The following LMAN1 variants were observed in gnomAD, a reference collection of about 807,000 sequenced individuals.
The protein encoded by LMAN1 is protein ERGIC-53.
In LMAN1, 32 loss-of-function variants were observed where a neutral mutation model predicts 67.8. The observed-to-expected ratio is 0.47, with a 90% CI of 0.36 to 0.63. The LOEUF is 0.63. Among genes scored for constraint, LMAN1 ranks in the 30% least tolerant of loss-of-function variants. The pLI, the probability that LMAN1 is intolerant of heterozygous loss-of-function variation, is 0.00. For missense variants in LMAN1, 632 were observed against 628.2 expected, an observed-to-expected ratio of 1.01 and a Z score of -0.06; for synonymous variants, 235 against 219.3, an observed-to-expected ratio of 1.07 and a Z score of -0.63.
chr18:59,357,072 A>T (rs1908676584), intron 1 of LMAN1, among the ~76,000 whole-genome samples: 2 of 152,218 alleles, frequency 1.3e-5, no homozygotes, highest in African/African-American at 4.8e-5. Flanking sequence ...ACGAAAAGAA[A>T]AAAATGATCA....
chr18:59,349,216 A>G lies in LMAN1; in HGVS notation c.660T>C (p.Phe220=). The G allele has an allele frequency of 6.2e-7, 1 of 1,613,274 alleles. No homozygotes were observed. The highest frequency in any genetic ancestry group is 8.5e-7 in the Non-Finnish European group (1 of 1,179,242). ...NTLTVMINNG[F]TPDKNDYEFC... is the part of the protein sequence containing the mutation. ...ATTCATAATCATTTTTATCTGGTGT[A>G]AAGCCATTATTGATCATTACCTAGA... is the stretch of plus-strand genomic sequence containing the variant. Residue 220 remains phenylalanine (F), a synonymous_variant, in exon 6 of 13, where the codon TTT becomes TTC. Transcript: ENST00000251047.
Position 59,347,400 on chromosome 18 carries a change from C to T in LMAN1, c.822+113G>A, listed in dbSNP as rs966307687. On this transcript the variant is annotated intron_variant, in intron 7 of 12. Coordinates refer to ENST00000251047, the MANE Select transcript of LMAN1 (RefSeq NM_005570.4). ...CAGAGGTTCAGTGACTTGCACAAGA[C>T]CATATAGCAGTAACTGGCAGAAACA... 19 of 574,132 alleles carry T rather than the reference C, an allele frequency of 3.3e-5. No individual in the cohort carries two copies. In the African/African-American group the frequency reaches 4.0e-4, roughly 12 times the overall value. The allele number at this position is 574,132 out of a possible 1,614,324, so 35.6% of individuals were successfully genotyped here.
chr18:59,338,476 T>A (rs1185344620), intron 10 of LMAN1, 81 bp downstream of exon 10: 5 of 1,069,116 alleles, frequency 4.7e-6, no homozygotes, highest in East Asian at 2.4e-5. Flanking sequence ...AATCTTGCAA[T>A]ACAGTGCTTG....
At chr18:59,356,648 T>C (rs757872521) in intron 1 of LMAN1, among the ~76,000 whole-genome samples, 24 of 151,208 alleles carry the variant, frequency 1.6e-4, no homozygotes, top group Admixed American at 5.3e-4. Context: ...CTGTTCACTG[T>C]TACTTACAAA....
chr18:59,335,206 C>T (rs7244401), intron 10 of LMAN1, among the ~76,000 whole-genome samples: 1 of 151,902 alleles, frequency 6.6e-6, no homozygotes, highest in Admixed American at 6.6e-5. Context: ...GGCCAAGGCG[C>T]GTGGATCACC....
At position 59,334,793 on chromosome 18, in the gene LMAN1, G is replaced by A. The variant is rs145062276; in HGVS notation, c.1221-1549C>T. Reference sequence around the variant, plus strand: ...CCTTAAGAATATAAAAATCCACAAAGAAACAAACTACCCTTTCCATTAAAG... The same window carrying A: ...CCTTAAGAATATAAAAATCCACAAAAAAACAAACTACCCTTTCCATTAAAG... On this transcript the variant is annotated intron_variant, in intron 10 of 12. Transcript: ENST00000251047. Among the ~76,000 whole-genome samples the A allele has an allele frequency of 7.9e-3, 1,195 of 152,040 alleles. 6 individuals carry two copies. The highest frequency in any genetic ancestry group is 0.012 in the Non-Finnish European group (822 of 67,938).
At chr18:59,343,325 G>T (rs1908330177) in intron 8 of LMAN1, among the ~76,000 whole-genome samples, 1 of 151,510 alleles carries the variant, frequency 6.6e-6, no homozygotes, top group Non-Finnish European at 1.5e-5. Context: ...GGAAAAAAAA[G>T]GGAGCCCAAA....
intron 1 of LMAN1, among the ~76,000 whole-genome samples, chr18:59,357,673 A>G (rs908513426): frequency 6.6e-6 from 1 of 152,204 alleles, no homozygotes; most frequent in Non-Finnish European, 1.5e-5. Context: ...ATTAAAATCT[A>G]TACCTTTCAA....
intron 12 of LMAN1, 98 bp downstream of exon 12, chr18:59,331,320 T>C: frequency 1.6e-6 from 2 of 1,261,570 alleles, no homozygotes; most frequent in East Asian, 4.8e-5. Context: ...ATTTTATAGG[T>C]GGTGAAAATT....
chr18:59,348,107 A>C (rs1032452162), intron 6 of LMAN1, among the ~76,000 whole-genome samples: 2 of 152,214 alleles, frequency 1.3e-5, no homozygotes, highest in Non-Finnish European at 2.9e-5. Context: ...TATCTTACCT[A>C]AAATCATATC....
In LMAN1 at chr18:59,333,181, G is replaced by A. The variant is rs768626044; in HGVS notation, c.1284C>T (p.Gly428=). The part of the protein sequence containing the change: ...SGMQHPGSAG[G]VYETTQHFID... Reference sequence around the variant, plus strand: ...TGAAGTGCTGTGTTGTCTCATAGACGCCTCCAGCAGAGCCAGGGTGCTGCA... The same window carrying A: ...TGAAGTGCTGTGTTGTCTCATAGACACCTCCAGCAGAGCCAGGGTGCTGCA... Residue 428 remains glycine (G), a synonymous_variant, in exon 11 of 13, where the codon GGC becomes GGT. Transcript: ENST00000251047. 8 of 1,612,898 alleles carry A rather than the reference G, an allele frequency of 5.0e-6. No homozygotes were observed. Among genetic ancestry groups the A allele is most frequent in the Admixed American group, 3.3e-5 (2 of 59,946 alleles).
intron 8 of LMAN1, among the ~76,000 whole-genome samples, chr18:59,344,017 G>A (rs1908345339): frequency 6.6e-6 from 1 of 152,108 alleles, no homozygotes; most frequent in Non-Finnish European, 1.5e-5. Context: ...AGACACGCAA[G>A]TGGCCAACAA....
At chr18:59,357,424 A>G (rs554989909) in intron 1 of LMAN1, among the ~76,000 whole-genome samples, 1 of 152,202 alleles carries the variant, frequency 6.6e-6, no homozygotes, top group Non-Finnish European at 1.5e-5. Context: ...GTAGAAGTGA[A>G]AATGTGTGAA....
In LMAN1 at chr18:59,338,783, C is replaced by T; in HGVS notation, c.1126G>A (p.Gly376Arg). The T allele has an allele frequency of 6.2e-7, 1 of 1,614,078 alleles. No homozygotes were observed. The highest frequency in any genetic ancestry group is 8.5e-7 in the Non-Finnish European group (1 of 1,179,992). ...LTEEISKRGA[G>R]MPGQHGQITQ... is the part of the protein sequence containing the mutation. ...ACCTGCCCATGCTGCCCAGGCATTC[C>T]TGCTCCTCTTTTAGAGATTTCCTCT... The change falls in exon 9 of 13, where the codon GGA becomes AGA. Residue 376 changes from glycine (G) to arginine (R), a missense_variant. Physicochemically the swap from Gly to Arg is moderately radical, Grantham distance 125 (BLOSUM62 -2). Transcript: ENST00000251047.
At position 59,355,522 on chromosome 18, in the gene LMAN1, T is replaced by C. The variant is rs1127220; in HGVS notation, c.351A>G (p.Arg117=). 0.25 allele frequency: 402,695 copies of C among 1,613,814 alleles called. 52,145 individuals are homozygous for C. Among genetic ancestry groups the C allele is most frequent in the Middle Eastern group, 0.27 (1,652 of 6,062 alleles). The change falls in exon 2 of 13, where the codon CGA becomes CGG. Residue 117 remains arginine (R), a synonymous_variant. Coordinates refer to ENST00000251047, the MANE Select transcript of LMAN1 (RefSeq NM_005570.4). ...ATCATACTAGGCCATCAGCTCCAATTCGACCTCTTCCAGTCACTCGAAATG... is the reference window on the plus strand; with the variant it reads ...ATCATACTAGGCCATCAGCTCCAATCCGACCTCTTCCAGTCACTCGAAATG... ...EVTFRVTGRG[R]IGADGLAIWY...
chr18:59,354,567 GC>G lies in LMAN1; in HGVS notation c.490del (p.Ala164LeufsTer2). 6.8e-7 allele frequency: 1 copy of G among 1,470,198 alleles called. No homozygotes were observed. The highest frequency in any genetic ancestry group is 9.5e-7 in the Non-Finnish European group (1 of 1,052,264). 91.1% of individuals were successfully genotyped at this position (1,470,198 alleles called of 1,614,324 possible). A position where few individuals can be genotyped will look rare whatever the true frequency, so the allele number is the denominator to read the frequency against. On this transcript the variant is annotated frameshift_variant, in exon 4 of 13. Coordinates refer to ENST00000251047, the MANE Select transcript of LMAN1 (RefSeq NM_005570.4). LOFTEE classifies it high-confidence loss of function. ...TCCATTGTTGCCTATAATTACTATAGCAGGATTATTTTTCTAAAAAAAAGGA... is the reference window on the plus strand; with the variant it reads ...TCCATTGTTGCCTATAATTACTATAGAGGATTATTTTTCTAAAAAAAAGGA... ...FDNDGKKNNP[A>X]IVIIGNNGQI... is the part of the protein sequence containing the mutation.
intron 5 of LMAN1, among the ~76,000 whole-genome samples, chr18:59,349,480 T>C (rs1908494608): frequency 6.6e-6 from 1 of 152,180 alleles, no homozygotes; most frequent in Non-Finnish European, 1.5e-5. Flanking sequence ...CTTTCTAAAA[T>C]GGAATATGGT....
chr18:59,353,266 C>A lies in LMAN1; in HGVS notation c.575G>T (p.Arg192Met). 6.2e-7 allele frequency: 1 copy of A among 1,614,088 alleles called. No homozygotes were observed. The highest frequency in any genetic ancestry group is 2.2e-5 in the East Asian group (1 of 44,874). The change falls in exon 5 of 13, where the codon AGG becomes ATG. Residue 192 changes from arginine (R) to methionine (M), a missense_variant. Arg to Met is a moderately conservative substitution (Grantham distance 91). Coordinates refer to ENST00000251047, the MANE Select transcript of LMAN1 (RefSeq NM_005570.4). The stretch of plus-strand genomic sequence containing the variant: ...AGGATAGGGTTTGTTGCGGAAGTCC[C>A]TCTGGCAACTTGCCAAAGCTTGACT... ...GASQALASCQRDFRNKPYPVR... is the reference protein window; with the variant it reads ...GASQALASCQMDFRNKPYPVR...
At chr18:59,355,460 A>G in intron 2 of LMAN1, 40 bp from the exon 3 acceptor site, 1 of 1,613,998 alleles carries the variant, frequency 6.2e-7, no homozygotes, top group Non-Finnish European at 8.5e-7. Flanking sequence ...GGCTAGTGGT[A>G]TATGCATTTA....
Sources: allele counts gnomAD v4.1 joint callset (sites outside exome capture counted in the v4.1 genomes callset), GRCh38; gene constraint gnomAD v4.1.1; transcripts MANE v1.5; gene names NCBI Gene and HGNC (gene_info 2026-07-23, HGNC 2026-07-21).